Variants in ANXA8 observed in about 807,000 individuals in gnomAD.
ANXA8 encodes the protein annexin A8.
Under a neutral mutation model 26.8 loss-of-function variants are expected in ANXA8, and 9 were observed. The ratio of observed to expected loss-of-function variants is 0.34; its 90% CI spans 0.20 to 0.59. The LOEUF (loss-of-function observed/expected upper bound fraction) is 0.59, where lower values mean the gene tolerates loss of function less well. Ranked by LOEUF, ANXA8 falls within the 20% of genes least tolerant of loss-of-function variation. The pLI, the probability that ANXA8 is intolerant of heterozygous loss-of-function variation, is 0.84. For synonymous variants in ANXA8, 39 were observed against 94.8 expected (o/e 0.41, Z 3.42); for missense variants, 83 against 238.5 (o/e 0.35, Z 4.29).
the ANXA8 span, among the ~76,000 whole-genome samples, chr10:47,567,141 C>CTTCCT: frequency 1.3e-5 from 1 of 74,194 alleles, no homozygotes; most frequent in Non-Finnish European, 2.5e-5. Context: ...GCCAAGCCCC[C>CTTCCT]GTGCTTCTGG....
the ANXA8 span, among the ~76,000 whole-genome samples, chr10:47,566,447 C>T: frequency 2.6e-5 from 4 of 151,798 alleles, no homozygotes; most frequent in Non-Finnish European, 1.5e-5. Context: ...CTTCCCCCAC[C>T]CACCGCCCCT....
chr10:47,740,631 CT>C, the ANXA8 span, among the ~76,000 whole-genome samples: 2 of 122,864 alleles, frequency 1.6e-5, no homozygotes, highest in African/African-American at 3.2e-5. Flanking sequence ...TTGTAACTGG[CT>C]TTTTTTAACC....
the ANXA8 span, among the ~76,000 whole-genome samples, chr10:47,567,607 C>T: frequency 6.6e-6 from 1 of 151,886 alleles, no homozygotes; most frequent in Non-Finnish European, 1.5e-5. Flanking sequence ...AAGTCCTGTT[C>T]CCGTTCCCTC....
chr10:47,559,169 T>TTTTTTTTTTTGG, the ANXA8 span, among the ~76,000 whole-genome samples: 1 of 138,158 alleles, frequency 7.2e-6, no homozygotes, highest in African/African-American at 3.0e-5. Flanking sequence ...TTTTTTTTTT[T>TTTTTTTTTTTGG]GAGGCGGAGT....
the ANXA8 span, among the ~76,000 whole-genome samples, chr10:47,525,556 G>C: frequency 7.4e-6 from 1 of 135,698 alleles, no homozygotes; most frequent in Non-Finnish European, 1.6e-5. Flanking sequence ...TATAATTCAT[G>C]ATGATATTTG....
At chr10:47,939,177 C>T in the ANXA8 span, among the ~76,000 whole-genome samples, 4 of 145,444 alleles carry the variant, frequency 2.8e-5, no homozygotes, top group South Asian at 8.7e-4. Flanking sequence ...ATGGTGGACA[C>T]CTGTAATCCC....
chr10:47,895,328 T>C, the ANXA8 span, among the ~76,000 whole-genome samples: 5 of 152,048 alleles, frequency 3.3e-5, no homozygotes, highest in Admixed American at 2.0e-4. Flanking sequence ...CCATGCCCTG[T>C]GTGATAGCAA....
upstream of ANXA8, among the ~76,000 whole-genome samples, chr10:47,488,920 G>A (rs1235139861): frequency 2.0e-5 from 3 of 146,420 alleles, no homozygotes; most frequent in Non-Finnish European, 3.0e-5. Context: ...GTAGAGATGC[G>A]GTTTCACCGT....
chr10:47,584,160 G>A, the ANXA8 span, among the ~76,000 whole-genome samples: 8 of 149,464 alleles, frequency 5.4e-5, no homozygotes, highest in South Asian at 2.1e-4. Flanking sequence ...GCCTGGGCGA[G>A]AGGAGACCCT....
chr10:47,475,564 AC>A lies in ANXA8; in HGVS notation c.420del (p.Ser141ProfsTer30). ...GCTTGGATGTCCTCCTCCAGGCTGGACCCATAGTCTGCAGGGAAACAGGACC... is the reference window on the plus strand; with the variant it reads ...GCTTGGATGTCCTCCTCCAGGCTGGACCATAGTCTGCAGGGAAACAGGACC... Reference protein sequence around the residue: ...EIMKAYEEDYGSSLEEDIQAD... With the variant: ...EIMKAYEEDYXSSLEEDIQAD... On this transcript the variant is annotated frameshift_variant, in exon 6 of 12. Coordinates refer to ENST00000585281, the MANE Select transcript of ANXA8 (RefSeq NM_001040084.3). LOFTEE classifies it high-confidence loss of function. 1 of 1,596,138 alleles carries A rather than the reference AC, an allele frequency of 6.3e-7. No individual in the cohort carries two copies. The highest frequency in any genetic ancestry group is 8.5e-7 in the Non-Finnish European group (1 of 1,171,426).
At chr10:47,692,916 G>C in the ANXA8 span, among the ~76,000 whole-genome samples, 1 of 151,094 alleles carries the variant, frequency 6.6e-6, no homozygotes, top group Non-Finnish European at 1.5e-5. Flanking sequence ...TGTATTTTTA[G>C]TAGAGACGGG....
chr10:47,733,157 C>CTTTCTTTCTTT, the ANXA8 span, among the ~76,000 whole-genome samples: 1 of 93,196 alleles, frequency 1.1e-5, no homozygotes, highest in South Asian at 4.4e-4. Flanking sequence ...TTCTTTCTTT[C>CTTTCTTTCTTT]TTTCTTTCTT....
chr10:47,744,034 A>G, the ANXA8 span, among the ~76,000 whole-genome samples: 57 of 145,332 alleles, frequency 3.9e-4, no homozygotes, highest in African/African-American at 1.4e-3. Context: ...TGCGGGGGGT[A>G]GGGAGGGCGG....
chr10:47,650,199 C>T, the ANXA8 span, among the ~76,000 whole-genome samples: 1 of 137,366 alleles, frequency 7.3e-6, no homozygotes. Flanking sequence ...CAGGGCAAGT[C>T]TGTCTCAAAA....
At chr10:47,485,646 T>G (rs1184031311), upstream of ANXA8, among the ~76,000 whole-genome samples, 2 of 152,094 alleles carry the variant, frequency 1.3e-5, no homozygotes, top group East Asian at 3.9e-4. Context: ...GGATGCAATA[T>G]TTTTACAAAT....
chr10:47,748,675 G>T, the ANXA8 span, among the ~76,000 whole-genome samples: 1 of 151,754 alleles, frequency 6.6e-6, no homozygotes, highest in African/African-American at 2.4e-5. Context: ...CTTTTGTAGA[G>T]GGGGGGGATC....
chr10:47,488,801 C>G (rs1840092721), upstream of ANXA8, among the ~76,000 whole-genome samples: 2 of 134,130 alleles, frequency 1.5e-5, no homozygotes, highest in South Asian at 2.6e-4. Context: ...GATCTCGGCT[C>G]ACTGCAAGCT....
chr10:47,483,275 T>C (rs1839904703), intron 1 of ANXA8, among the ~76,000 whole-genome samples: 1 of 142,872 alleles, frequency 7.0e-6, no homozygotes, highest in Non-Finnish European at 1.5e-5. Context: ...GGTGAAGGCA[T>C]TGATGGGTCC....
chr10:47,732,812 G>A, the ANXA8 span, among the ~76,000 whole-genome samples: 6 of 142,616 alleles, frequency 4.2e-5, no homozygotes, highest in Non-Finnish European at 9.2e-5. Context: ...GCAGACGTTC[G>A]CTGAATGTCT....
Sources: gnomAD v4.1 joint callset for allele counts (sites outside exome capture counted in the v4.1 genomes callset) on GRCh38, gnomAD v4.1.1 for gene constraint, MANE v1.5 for transcripts, NCBI Gene and HGNC (gene_info 2026-07-23, HGNC 2026-07-21) for gene names.